The following FOXP1 variants were observed in gnomAD, a reference collection of about 807,000 sequenced individuals.
The protein encoded by FOXP1 is forkhead box protein P1.
FOXP1 carries 15 observed loss-of-function variants against 98.2 expected under a neutral mutation model. The ratio of observed to expected loss-of-function variants is 0.15; its 90% confidence interval spans 0.10 to 0.24. FOXP1 has a LOEUF of 0.24. Among genes scored for constraint, FOXP1 ranks in the 10% least tolerant of loss-of-function variants. The pLI is 1.00. For synonymous variants in FOXP1, 371 were observed against 314.5 expected, an observed-to-expected ratio of 1.18 and a Z score of -1.90; for missense variants, 633 against 848.5, an observed-to-expected ratio of 0.75 and a Z score of 3.15.
intron 6 of FOXP1, among the ~76,000 whole-genome samples, chr3:71,187,640 T>C (rs548735495): frequency 6.6e-6 from 1 of 152,288 alleles, no homozygotes; most frequent in African/African-American, 2.4e-5. Context: ...ATGTGATATA[T>C]ACATATAGCA....
intron 2 of FOXP1, among the ~76,000 whole-genome samples, chr3:71,566,600 T>C (rs2046933045): frequency 6.6e-6 from 1 of 152,228 alleles, no homozygotes; most frequent in South Asian, 2.1e-4. Context: ...TCAAAATCTA[T>C]GACTGTGAGG....
intron 5 of FOXP1, among the ~76,000 whole-genome samples, chr3:71,232,348 T>C (rs1035597678): frequency 3.3e-5 from 5 of 152,150 alleles, no homozygotes; most frequent in African/African-American, 9.7e-5. Flanking sequence ...TGAGAAAAAG[T>C]ACTGTGATCA....
intron 3 of FOXP1, among the ~76,000 whole-genome samples, chr3:71,427,728 A>T (rs1445112441): frequency 1.3e-5 from 2 of 152,212 alleles, no homozygotes; most frequent in African/African-American, 4.8e-5. Flanking sequence ...GAACTAAGGG[A>T]ACATGAGGGG....
At chr3:71,354,844 C>T (rs1577104774) in intron 4 of FOXP1, among the ~76,000 whole-genome samples, 1 of 152,142 alleles carries the variant, frequency 6.6e-6, no homozygotes, top group Non-Finnish European at 1.5e-5. Context: ...CTAGGTAATG[C>T]TATTACCCCT....
chr3:71,453,337 G>C (rs1464876377), intron 3 of FOXP1, among the ~76,000 whole-genome samples: 1 of 152,044 alleles, frequency 6.6e-6, no homozygotes, highest in Non-Finnish European at 1.5e-5. Flanking sequence ...ATTTCATAAT[G>C]TCTACTAGGC....
intron 9 of FOXP1, among the ~76,000 whole-genome samples, chr3:71,050,168 C>A (rs1197381303): frequency 6.6e-6 from 1 of 152,196 alleles, no homozygotes; most frequent in Non-Finnish European, 1.5e-5. Context: ...GGACCACTAT[C>A]ATCTTTGTGC....
intron 1 of FOXP1, chr3:71,582,420 G>C: frequency 1.0e-6 from 1 of 985,202 alleles, no homozygotes; most frequent in Non-Finnish European, 1.2e-6. Context: ...ACGCCGCCTC[G>C]GCTCGCTGGC....
rs573063301 is a variant in FOXP1 at position 71,098,534 on chromosome 3, G to A, written c.282+14002C>T. Among the ~76,000 whole-genome samples, 3 of 152,240 alleles carry A rather than the reference G, an allele frequency of 2.0e-5. No individual in the cohort carries two copies. In the South Asian group the frequency reaches 6.2e-4, roughly 32 times the overall value. On this transcript the variant is annotated intron_variant, in intron 7 of 20. Coordinates refer to ENST00000649528, the MANE Select transcript of FOXP1 (RefSeq NM_001349338.3). Reference sequence around the variant, plus strand: ...AATGCTGTTTTTATGGTCTTGAAATGTTTCTAGGGGCTCGCGAACCTGAGA... The same window carrying A: ...AATGCTGTTTTTATGGTCTTGAAATATTTCTAGGGGCTCGCGAACCTGAGA...
At chr3:71,153,851 C>T (rs1010973991) in intron 6 of FOXP1, among the ~76,000 whole-genome samples, 7 of 152,154 alleles carry the variant, frequency 4.6e-5, no homozygotes, top group Non-Finnish European at 1.0e-4. Flanking sequence ...TGTATACTTT[C>T]CTTTCTAAAG....
intron 5 of FOXP1, among the ~76,000 whole-genome samples, chr3:71,230,872 C>G (rs1369997901): frequency 6.6e-6 from 1 of 152,170 alleles, no homozygotes; most frequent in Non-Finnish European, 1.5e-5. Flanking sequence ...AAGCATTTTC[C>G]TTTATTAAGT....
At chr3:71,345,387 CAA>C (rs2077263863) in intron 4 of FOXP1, among the ~76,000 whole-genome samples, 1 of 127,336 alleles carries the variant, frequency 7.9e-6, no homozygotes, top group African/African-American at 3.1e-5. Context: ...GAATCTGTCT[CAA>C]ATATATATAC....
At chr3:70,967,176 C>T (rs2034981376) in intron 19 of FOXP1, among the ~76,000 whole-genome samples, 1 of 152,182 alleles carries the variant, frequency 6.6e-6, no homozygotes, top group African/African-American at 2.4e-5. Context: ...CTTCCACTGG[C>T]CAGTCATACA....
chr3:71,306,631 C>CAAAAAAAAAAAAAAAAAAAAAAAA (rs66479255), intron 4 of FOXP1, among the ~76,000 whole-genome samples: 2 of 42,852 alleles, frequency 4.7e-5, no homozygotes, highest in African/African-American at 1.7e-4. Flanking sequence ...GAGAATAAGC[C>CAAAAAAAAAAAAAAAAAAAAAAAA]AAAAAAAAAA....
intron 2 of FOXP1, among the ~76,000 whole-genome samples, chr3:71,557,709 T>C (rs1018349577): frequency 6.6e-5 from 10 of 152,222 alleles, no homozygotes; most frequent in African/African-American, 2.2e-4. Context: ...AAGGGAAGAA[T>C]GACCAAGATG....
intron 12 of FOXP1, among the ~76,000 whole-genome samples, chr3:71,001,795 C>T (rs756670098): frequency 1.3e-5 from 2 of 152,122 alleles, no homozygotes; most frequent in Admixed American, 6.6e-5. Flanking sequence ...TTTTAGCATA[C>T]GCAGGAGCTC....
intron 2 of FOXP1, among the ~76,000 whole-genome samples, chr3:71,517,000 G>T (rs2042630829): frequency 6.6e-6 from 1 of 152,176 alleles, no homozygotes; most frequent in Non-Finnish European, 1.5e-5. Context: ...CACCCCCTGT[G>T]AATTTTAAAT....
intron 3 of FOXP1, among the ~76,000 whole-genome samples, chr3:71,445,915 G>A (rs2108477332): frequency 6.6e-6 from 1 of 152,212 alleles, no homozygotes; most frequent in East Asian, 1.9e-4. Context: ...TCAAACTCCT[G>A]CCGTCAGGTG....
intron 5 of FOXP1, among the ~76,000 whole-genome samples, chr3:71,298,862 T>C (rs533177664): frequency 1.3e-5 from 2 of 152,198 alleles, no homozygotes; most frequent in Admixed American, 6.5e-5. Flanking sequence ...CAATAATAAG[T>C]CTATATCTGA....
At chr3:71,145,716 G>A (rs925487159) in intron 6 of FOXP1, among the ~76,000 whole-genome samples, 6 of 152,162 alleles carry the variant, frequency 3.9e-5, no homozygotes, top group East Asian at 3.9e-4. Flanking sequence ...TAGTGGTATC[G>A]CATCCTATTT....
Sources: gnomAD v4.1 joint callset for allele counts (sites outside exome capture counted in the v4.1 genomes callset) on GRCh38, gnomAD v4.1.1 for gene constraint, MANE v1.5 for transcripts, NCBI Gene and HGNC (gene_info 2026-07-23, HGNC 2026-07-21) for gene names.